Variants in WWP1 observed in about 807,000 individuals in gnomAD.
WWP1 encodes NEDD4-like E3 ubiquitin-protein ligase WWP1.
In WWP1, 49 loss-of-function variants were observed where a neutral mutation model predicts 130.6. That is an observed-to-expected ratio of 0.38 (90% CI 0.30 to 0.48). The LOEUF (loss-of-function observed/expected upper bound fraction) is 0.48, where lower values mean the gene tolerates loss of function less well. Among genes scored for constraint, WWP1 ranks in the 20% least tolerant of loss-of-function variants. WWP1 has a pLI of 0.99. For missense variants in WWP1, 809 were observed against 1,100.6 expected, an observed-to-expected ratio of 0.74 and a Z score of 3.75; for synonymous variants, 332 against 367.8, an observed-to-expected ratio of 0.90 and a Z score of 1.11.
At chr8:86,360,650 T>C (rs540329066) in intron 1 of WWP1, among the ~76,000 whole-genome samples, 3 of 152,284 alleles carry the variant, frequency 2.0e-5, no homozygotes, top group East Asian at 1.9e-4. Context: ...TAACTATTAA[T>C]TGGGGGCCTT....
intron 7 of WWP1, among the ~76,000 whole-genome samples, chr8:86,401,219 A>G (rs930177443): frequency 1.3e-5 from 2 of 151,996 alleles, no homozygotes; most frequent in Non-Finnish European, 2.9e-5. Context: ...ATTTGTAACT[A>G]ATATTTGAAG....
intron 21 of WWP1, among the ~76,000 whole-genome samples, chr8:86,455,059 T>C (rs1007923045): frequency 6.6e-6 from 1 of 152,100 alleles, no homozygotes; most frequent in Admixed American, 6.5e-5. Flanking sequence ...TTCACAATAA[T>C]GGCTATGCAT....
chr8:86,353,557 G>C (rs1586239445), intron 1 of WWP1, among the ~76,000 whole-genome samples: 1 of 151,880 alleles, frequency 6.6e-6, no homozygotes, highest in South Asian at 2.1e-4. Flanking sequence ...CAGTGGTGCA[G>C]TCTCAGCTCA....
intron 21 of WWP1, among the ~76,000 whole-genome samples, chr8:86,457,425 GTCTGTCTATCTA>G (rs1465308429): frequency 6.6e-5 from 10 of 150,654 alleles, no homozygotes; most frequent in South Asian, 6.3e-4. Flanking sequence ...CTGTCTGTCT[GTCTGTCTATCTA>G]TCTATCTATC....
chr8:86,345,043 G>A (rs1437332066), intron 1 of WWP1, among the ~76,000 whole-genome samples: 1 of 152,160 alleles, frequency 6.6e-6, no homozygotes, highest in Non-Finnish European at 1.5e-5. Context: ...GGAGACCCTG[G>A]AGGTAGAAAG....
chr8:86,409,226 C>CTTTTTTTTTTT (rs1230976832), intron 8 of WWP1, among the ~76,000 whole-genome samples: 197 of 100,534 alleles, frequency 2.0e-3, no homozygotes, highest in African/African-American at 3.9e-3. Context: ...CTTTTTCTTT[C>CTTTTTTTTTTT]TTTTTTTTTT....
rs184057331 is a variant in WWP1, at chr8:86,465,011, A to T, written c.2670-1783A>T. ...TGTGAAAGGAAAGTAATTACCACCC[A>T]CTGATTTCTGTTTTCTCAAAGTATA... On this transcript the variant is annotated intron_variant, in intron 24 of 24. Coordinates refer to ENST00000517970, the MANE Select transcript of WWP1 (RefSeq NM_007013.4). Among the ~76,000 whole-genome samples, 57 of 152,294 alleles carry T rather than the reference A, an allele frequency of 3.7e-4. No individual in the cohort carries two copies. In the East Asian group the frequency reaches 9.3e-3, roughly 25 times the overall value.
chr8:86,428,494 A>G (rs1809753366), intron 11 of WWP1, among the ~76,000 whole-genome samples: 1 of 152,248 alleles, frequency 6.6e-6, no homozygotes, highest in African/African-American at 2.4e-5. Flanking sequence ...GAAACCTAAA[A>G]TATAGAAGCT....
At position 86,423,809 on chromosome 8, in the gene WWP1, G is replaced by GCA. The variant is rs1292760292; in HGVS notation, c.1062-1413_1062-1412insAC. Among the ~76,000 whole-genome samples, 273 of 58,860 alleles carry GCA rather than the reference G, an allele frequency of 4.6e-3. 2 individuals carry two copies. Among genetic ancestry groups the GCA allele is most frequent in the African/African-American group, 0.021 (261 of 12,702 alleles). 38.6% of individuals were successfully genotyped at this position (58,860 alleles called of 152,430 possible). A position where few individuals can be genotyped will look rare whatever the true frequency, so the allele number is the denominator to read the frequency against. ...TCCCAGAAGGGGCGGCCGGGCAGAG[G>GCA]CGCCCCCCCCCCACCTCCCGGACGG... On this transcript the variant is annotated intron_variant, in intron 9 of 24. Transcript: ENST00000517970.
At chr8:86,464,946 T>G (rs1811967632) in intron 24 of WWP1, among the ~76,000 whole-genome samples, 1 of 152,036 alleles carries the variant, frequency 6.6e-6, no homozygotes, top group African/African-American at 2.4e-5. Context: ...GAGAGAGAGA[T>G]TTTTGAGTCA....
At chr8:86,362,163 C>CGCAT (rs1554554005) in intron 1 of WWP1, among the ~76,000 whole-genome samples, 1 of 59,028 alleles carries the variant, frequency 1.7e-5, no homozygotes, top group African/African-American at 9.9e-5. Flanking sequence ...ATATACAAGG[C>CGCAT]ATATATATAT....
intron 16 of WWP1, among the ~76,000 whole-genome samples, chr8:86,436,100 C>T (rs981530924): frequency 9.9e-5 from 15 of 152,252 alleles, no homozygotes; most frequent in East Asian, 5.8e-4. Context: ...TTATTTCATT[C>T]GTCCTCACAG....
Position 86,359,768 on chromosome 8 carries a change from C to T in WWP1, c.-114-9171C>T, listed in dbSNP as rs117281699. Among the ~76,000 whole-genome samples the T allele has an allele frequency of 2.9e-3, 436 of 152,042 alleles. 9 individuals carry two copies. In the East Asian group the frequency reaches 0.066, roughly 23 times the overall value. On this transcript the variant is annotated intron_variant, in intron 1 of 24. Coordinates refer to ENST00000517970, the MANE Select transcript of WWP1 (RefSeq NM_007013.4). ...CTCTTTCATCATTAAAAACAGTCCT[C>T]GGCGGGCGCAGTGGCTCACGCCTGT...
chr8:86,425,467 A>T (rs1809566267), intron 10 of WWP1, 149 bp downstream of exon 10: 1 of 569,466 alleles, frequency 1.8e-6, no homozygotes, highest in African/African-American at 1.9e-5. Context: ...TGTTCAGTCA[A>T]TGAGATTAGA....
At chr8:86,356,230 C>G (rs945949244) in intron 1 of WWP1, among the ~76,000 whole-genome samples, 1 of 152,080 alleles carries the variant, frequency 6.6e-6, no homozygotes, top group Admixed American at 6.5e-5. Flanking sequence ...AAGTCTTGGG[C>G]TTTATCATCT....
At chr8:86,424,954 G>A (rs1480828385) in intron 9 of WWP1, among the ~76,000 whole-genome samples, 2 of 151,696 alleles carry the variant, frequency 1.3e-5, no homozygotes, top group Non-Finnish European at 2.9e-5. Flanking sequence ...TTAAAATGTG[G>A]GGTATTCTCT....
At chr8:86,359,908 G>A (rs1823477109) in intron 1 of WWP1, among the ~76,000 whole-genome samples, 2 of 151,916 alleles carry the variant, frequency 1.3e-5, no homozygotes, top group South Asian at 4.2e-4. Context: ...AATTAGCCGG[G>A]CGTGGTGGCG....
intron 5 of WWP1, among the ~76,000 whole-genome samples, chr8:86,393,065 A>G (rs1216989531): frequency 6.6e-6 from 1 of 152,174 alleles, no homozygotes; most frequent in Non-Finnish European, 1.5e-5. Flanking sequence ...GATGTTTATT[A>G]GTCATTCATA....
At chr8:86,345,292 G>A (rs1443286262) in intron 1 of WWP1, among the ~76,000 whole-genome samples, 1 of 152,130 alleles carries the variant, frequency 6.6e-6, no homozygotes, top group Non-Finnish European at 1.5e-5. Flanking sequence ...CTAATTCTTG[G>A]TAAAATGCTG....
Sources: gnomAD v4.1 joint callset for allele counts (sites outside exome capture counted in the v4.1 genomes callset) on GRCh38, gnomAD v4.1.1 for gene constraint, MANE v1.5 for transcripts, NCBI Gene and HGNC (gene_info 2026-07-23, HGNC 2026-07-21) for gene names.